The following ANKS1B variants were observed in gnomAD, a reference collection of about 807,000 sequenced individuals.
The protein encoded by ANKS1B is ankyrin repeat and sterile alpha motif domain-containing protein 1B.
In ANKS1B, 36 loss-of-function variants were observed where a neutral mutation model predicts 148.3. The ratio of observed to expected loss-of-function variants is 0.24; its 90% CI spans 0.19 to 0.32. The LOEUF (loss-of-function observed/expected upper bound fraction) is 0.32, where lower values mean the gene tolerates loss of function less well. Among genes scored for constraint, ANKS1B ranks in the 10% least tolerant of loss-of-function variants. The probability of loss-of-function intolerance (pLI) is 1.00; values close to 1 mark genes in which losing one functional copy is unlikely to be tolerated. For synonymous variants in ANKS1B, 542 were observed against 560.8 expected (o/e 0.97, Z 0.47); for missense variants, 1,157 against 1,542.6 (o/e 0.75, Z 4.19).
chr12:99,193,516 G>T (rs547768486), intron 14 of ANKS1B, among the ~76,000 whole-genome samples: 1 of 152,170 alleles, frequency 6.6e-6, no homozygotes, highest in East Asian at 1.9e-4. Context: ...ATTTTTTCTG[G>T]TTCTTTGGGT....
At chr12:99,461,624 C>T (rs2095972943) in intron 10 of ANKS1B, among the ~76,000 whole-genome samples, 4 of 152,040 alleles carry the variant, frequency 2.6e-5, no homozygotes, top group Admixed American at 2.0e-4. Flanking sequence ...AATTTATGAA[C>T]TTCTTTTTAC....
intron 14 of ANKS1B, among the ~76,000 whole-genome samples, chr12:99,186,584 T>C (rs895417713): frequency 4.6e-5 from 7 of 152,134 alleles, no homozygotes; most frequent in African/African-American, 1.7e-4. Context: ...CTGCCGCTGA[T>C]ACCCAGGCAA....
chr12:99,949,192 C>T (rs2095150605), intron 1 of ANKS1B, among the ~76,000 whole-genome samples: 1 of 152,112 alleles, frequency 6.6e-6, no homozygotes, highest in African/African-American at 2.4e-5. Context: ...TCAGTCTCTC[C>T]CAAAGAAGAG....
At chr12:99,288,162 G>A (rs2079397263) in intron 12 of ANKS1B, among the ~76,000 whole-genome samples, 1 of 152,078 alleles carries the variant, frequency 6.6e-6, no homozygotes, top group South Asian at 2.1e-4. Context: ...AAACTTAAGA[G>A]TAGCAAGAGA....
intron 1 of ANKS1B, among the ~76,000 whole-genome samples, chr12:99,869,847 T>C (rs1045394318): frequency 2.6e-5 from 4 of 152,096 alleles, no homozygotes; most frequent in Non-Finnish European, 4.4e-5. Flanking sequence ...TAATAAAATA[T>C]CTTAAAAGTT....
At chr12:98,953,215 T>C (rs1171129086) in intron 17 of ANKS1B, among the ~76,000 whole-genome samples, 1 of 152,144 alleles carries the variant, frequency 6.6e-6, no homozygotes, top group East Asian at 1.9e-4. Context: ...GAGATGGGGT[T>C]TCACCATGTT....
At chr12:99,241,667 G>T (rs769917201) in intron 14 of ANKS1B, among the ~76,000 whole-genome samples, 5 of 152,162 alleles carry the variant, frequency 3.3e-5, no homozygotes, top group Non-Finnish European at 5.9e-5. Flanking sequence ...CTAGCAAACT[G>T]AATCCAGCAG....
rs552630682 is a variant in ANKS1B, at chr12:99,486,993, G to C, written c.1438+17483C>G. On this transcript the variant is annotated intron_variant, in intron 10 of 26. Coordinates refer to ENST00000683438, the MANE Select transcript of ANKS1B (RefSeq NM_001352186.2). Reference sequence around the variant, plus strand: ...ACTGTGCCTGCCATGGTGGACAAGGGGGGAATGACATCTCCTTCTCCAAGG... The same window carrying C: ...ACTGTGCCTGCCATGGTGGACAAGGCGGGAATGACATCTCCTTCTCCAAGG... Among the ~76,000 whole-genome samples the C allele has an allele frequency of 1.5e-4, 23 of 152,282 alleles. No homozygotes were observed. The South Asian group carries it at 4.1e-3, about 27-fold the overall frequency.
intron 1 of ANKS1B, among the ~76,000 whole-genome samples, chr12:99,851,199 T>C (rs2087773087): frequency 2.0e-5 from 3 of 152,154 alleles, no homozygotes; most frequent in Admixed American, 6.5e-5. Flanking sequence ...AATCACTATG[T>C]TGGTTAGGTT....
At chr12:99,692,322 A>G (rs537600503) in intron 8 of ANKS1B, among the ~76,000 whole-genome samples, 1 of 152,260 alleles carries the variant, frequency 6.6e-6, no homozygotes, top group South Asian at 2.1e-4. Context: ...GATAGCGGTC[A>G]TATTTTTTAA....
chr12:99,309,373 C>T (rs1011219909), intron 12 of ANKS1B, among the ~76,000 whole-genome samples: 27 of 151,652 alleles, frequency 1.8e-4, no homozygotes, highest in Non-Finnish European at 3.8e-4. Context: ...GTTTTTTTCC[C>T]TTTAATCTGT....
At chr12:99,926,417 T>G (rs569510206) in intron 1 of ANKS1B, among the ~76,000 whole-genome samples, 2 of 152,190 alleles carry the variant, frequency 1.3e-5, no homozygotes, top group Admixed American at 1.3e-4. Context: ...AAAGTCTGGA[T>G]AGAACAAAAA....
chr12:98,857,064 T>G (rs2099575639), intron 17 of ANKS1B, among the ~76,000 whole-genome samples: 1 of 145,208 alleles, frequency 6.9e-6, no homozygotes, highest in African/African-American at 2.5e-5. Flanking sequence ...ACATAACCCC[T>G]GCACACAGTG....
intron 17 of ANKS1B, among the ~76,000 whole-genome samples, chr12:98,884,782 G>T (rs1202267845): frequency 6.8e-6 from 1 of 147,564 alleles, no homozygotes; most frequent in Non-Finnish European, 1.5e-5. Context: ...GTCCGACCTG[G>T]GCGACAGAGC....
intron 1 of ANKS1B, among the ~76,000 whole-genome samples, chr12:99,982,355 A>C (rs1030660233): frequency 6.6e-6 from 1 of 151,460 alleles, no homozygotes; most frequent in African/African-American, 2.4e-5. Context: ...AAAAAATCAC[A>C]GCTGGGAAAG....
intron 17 of ANKS1B, among the ~76,000 whole-genome samples, chr12:98,898,231 ATAAG>A (rs1243666552): frequency 6.6e-6 from 1 of 152,232 alleles, no homozygotes; most frequent in Non-Finnish European, 1.5e-5. Context: ...ATTTTGCAAA[ATAAG>A]TAAATATTAC....
chr12:98,847,503 C>T (rs547828214), intron 17 of ANKS1B, among the ~76,000 whole-genome samples: 46 of 152,248 alleles, frequency 3.0e-4, no homozygotes, highest in African/African-American at 1.1e-3. Flanking sequence ...CTTTATTCAT[C>T]TAATGATGGA....
At chr12:99,005,187 C>T (rs1425961754) in intron 17 of ANKS1B, among the ~76,000 whole-genome samples, 1 of 152,202 alleles carries the variant, frequency 6.6e-6, no homozygotes, top group African/African-American at 2.4e-5. Context: ...GCCAACTGTT[C>T]ATTAAACAGG....
At chr12:99,838,483 A>T (rs1166379950) in intron 1 of ANKS1B, among the ~76,000 whole-genome samples, 1 of 151,914 alleles carries the variant, frequency 6.6e-6, no homozygotes, top group Non-Finnish European at 1.5e-5. Flanking sequence ...TGAGTTTTTC[A>T]TTATTTTTAC....
Sources: gnomAD v4.1 joint callset for allele counts (sites outside exome capture counted in the v4.1 genomes callset) on GRCh38, gnomAD v4.1.1 for gene constraint, MANE v1.5 for transcripts, NCBI Gene and HGNC (gene_info 2026-07-23, HGNC 2026-07-21) for gene names.